The following CEP126 variants were observed in gnomAD, a reference collection of about 807,000 sequenced individuals.
CEP126 encodes centrosomal protein of 126 kDa.
A neutral mutation model predicts 107.8 loss-of-function variants in CEP126; 74 were observed. The observed-to-expected ratio is 0.69, with a 90% CI of 0.57 to 0.83. The LOEUF (loss-of-function observed/expected upper bound fraction) is 0.83, where lower values mean the gene tolerates loss of function less well. CEP126 is among the 40% of genes least tolerant of loss of function. The pLI is 0.00. For missense variants in CEP126, 1,237 were observed against 1,281.9 expected (o/e 0.96, Z 0.53); for synonymous variants, 449 against 446.0 (o/e 1.01, Z -0.08).
In CEP126 at chr11:101,963,548, T is replaced by G; in HGVS notation, c.2513T>G (p.Phe838Cys). 1 of 1,614,152 alleles carries G rather than the reference T, an allele frequency of 6.2e-7. No individual in the cohort carries two copies. Among genetic ancestry groups the G allele is most frequent in the Non-Finnish European group, 8.5e-7 (1 of 1,180,026 alleles). Reference protein sequence around the residue: ...NPQNIITHNSFNSKHVLPTEH... With the variant: ...NPQNIITHNSCNSKHVLPTEH... ...CAAAACATTATTACACATAACTCTT[T>G]TAATTCAAAACATGTGCTTCCAACA... The change falls in exon 6 of 11, where the codon TTT (phenylalanine) becomes TGT (cysteine). Residue 838 changes from phenylalanine (F) to cysteine (C), a missense_variant. Physicochemically the swap from Phe to Cys is radical, Grantham distance 205 (BLOSUM62 -2). Coordinates refer to ENST00000263468, the MANE Select transcript of CEP126 (RefSeq NM_020802.4).
intron 10 of CEP126, among the ~76,000 whole-genome samples, chr11:101,997,395 C>G (rs1181619957): frequency 6.6e-6 from 1 of 152,072 alleles, no homozygotes. Flanking sequence ...GGAATTTTAC[C>G]TTTTAGAGTA....
At chr11:101,979,447 A>G (rs1941230255) in intron 7 of CEP126, among the ~76,000 whole-genome samples, 1 of 152,074 alleles carries the variant, frequency 6.6e-6, no homozygotes, top group African/African-American at 2.4e-5. Flanking sequence ...AAAAAGCATA[A>G]TAACAATTTT....
chr11:101,978,035 A>T (rs1941212714), intron 6 of CEP126, among the ~76,000 whole-genome samples: 1 of 152,202 alleles, frequency 6.6e-6, no homozygotes, highest in African/African-American at 2.4e-5. Context: ...AATAAATATG[A>T]ATTGGAATTC....
chr11:101,945,084 T>C (rs1365470520), intron 3 of CEP126, among the ~76,000 whole-genome samples: 1 of 152,140 alleles, frequency 6.6e-6, no homozygotes, highest in Non-Finnish European at 1.5e-5. Context: ...ACAACCTGTT[T>C]TGGAGATGAG....
chr11:101,928,745 T>A (rs1039215233), intron 2 of CEP126, among the ~76,000 whole-genome samples: 1 of 152,232 alleles, frequency 6.6e-6, no homozygotes, highest in African/African-American at 2.4e-5. Context: ...GTTCTTTTTG[T>A]GTCTCTTCCT....
At chr11:101,939,339 C>G (rs567035307) in intron 2 of CEP126, among the ~76,000 whole-genome samples, 6 of 152,158 alleles carry the variant, frequency 3.9e-5, no homozygotes, top group Non-Finnish European at 8.8e-5. Context: ...TCTTTTACCT[C>G]TAGTAATACT....
chr11:101,948,846 A>G (rs559806853), intron 4 of CEP126, among the ~76,000 whole-genome samples: 1 of 152,338 alleles, frequency 6.6e-6, no homozygotes, highest in Non-Finnish European at 1.5e-5. Flanking sequence ...AGTAATTGCA[A>G]TAATATATAA....
At chr11:101,948,236 A>G (rs1482930353) in intron 4 of CEP126, 94 bp downstream of exon 4, 15 of 631,584 alleles carry the variant, frequency 2.4e-5, no homozygotes, top group Non-Finnish European at 3.5e-5. Flanking sequence ...GCTACTCCTC[A>G]TCTGTGTTTT....
chr11:101,975,602 C>T (rs1358178292), intron 6 of CEP126, among the ~76,000 whole-genome samples: 2 of 152,088 alleles, frequency 1.3e-5, no homozygotes, highest in South Asian at 2.1e-4. Context: ...CTTTTATTTT[C>T]GGTTCAGAAG....
intron 5 of CEP126, among the ~76,000 whole-genome samples, chr11:101,961,229 G>A (rs1364303797): frequency 6.6e-6 from 1 of 152,054 alleles, no homozygotes; most frequent in Non-Finnish European, 1.5e-5. Context: ...ATTTTAACAT[G>A]TAGCCAGAGT....
intron 10 of CEP126, 115 bp from the exon 11 acceptor site, chr11:101,997,484 G>C: frequency 6.6e-7 from 1 of 1,519,484 alleles, no homozygotes; most frequent in Non-Finnish European, 8.9e-7. Flanking sequence ...CTCATTACCT[G>C]GGAGAATGAT....
At chr11:101,975,818 A>G (rs1004697560) in intron 6 of CEP126, among the ~76,000 whole-genome samples, 1 of 152,142 alleles carries the variant, frequency 6.6e-6, no homozygotes, top group African/African-American at 2.4e-5. Context: ...GCTCCCACTT[A>G]TAAGTGAGAA....
intron 8 of CEP126, among the ~76,000 whole-genome samples, chr11:101,984,616 G>T (rs1024772800): frequency 1.3e-5 from 2 of 152,280 alleles, no homozygotes; most frequent in Non-Finnish European, 2.9e-5. Context: ...TGATGAAAAT[G>T]TGTGATGGGT....
chr11:101,962,160 C>A lies in CEP126; in HGVS notation c.1125C>A (p.Pro375=). The A allele has an allele frequency of 6.2e-7, 1 of 1,613,250 alleles. No homozygotes were observed. Among genetic ancestry groups the A allele is most frequent in the Non-Finnish European group, 8.5e-7 (1 of 1,179,698 alleles). The change falls in exon 6 of 11, where the codon CCC becomes CCA. Residue 375 remains proline (P), a synonymous_variant. Transcript: ENST00000263468. ...CAGTACCCTTTGTATCTAGCCCACC[C>A]ATGTTTGTACTAGATAAAAAATGTG... is the stretch of plus-strand genomic sequence containing the variant. The part of the protein sequence containing the change: ...NNSVPFVSSP[P]MFVLDKKCEK...
At chr11:101,928,980 C>T (rs960378200) in intron 2 of CEP126, among the ~76,000 whole-genome samples, 1 of 152,206 alleles carries the variant, frequency 6.6e-6, no homozygotes, top group African/African-American at 2.4e-5. Context: ...ATGGGGAAAA[C>T]TGACATCTTC....
chr11:101,925,008 CTCAG>C (rs1940386381), intron 2 of CEP126, among the ~76,000 whole-genome samples: 1 of 152,110 alleles, frequency 6.6e-6, no homozygotes, highest in African/African-American at 2.4e-5. Flanking sequence ...TTTCCATTCT[CTCAG>C]TCAGTATCTA....
At chr11:101,939,395 T>C (rs1029825366) in intron 2 of CEP126, among the ~76,000 whole-genome samples, 1 of 152,212 alleles carries the variant, frequency 6.6e-6, no homozygotes, top group Non-Finnish European at 1.5e-5. Flanking sequence ...TAAATTTGTC[T>C]GGTATTAATA....
intron 1 of CEP126, 126 bp from the exon 2 acceptor site, chr11:101,922,515 A>T: frequency 1.3e-6 from 1 of 769,028 alleles, no homozygotes; most frequent in Non-Finnish European, 2.1e-6. Context: ...GTGGGCACAT[A>T]CTAATTATTC....
At chr11:101,983,895 A>G (rs1478417720) in intron 8 of CEP126, among the ~76,000 whole-genome samples, 1 of 152,216 alleles carries the variant, frequency 6.6e-6, no homozygotes, top group African/African-American at 2.4e-5. Context: ...CAGTCCATTA[A>G]TGTGCTAACA....
Sources: allele counts gnomAD v4.1 joint callset (sites outside exome capture counted in the v4.1 genomes callset), GRCh38; gene constraint gnomAD v4.1.1; transcripts MANE v1.5; gene names NCBI Gene and HGNC (gene_info 2026-07-23, HGNC 2026-07-21).